Variants in AMD1 observed in about 807,000 individuals in gnomAD.
AMD1 encodes S-adenosylmethionine decarboxylase proenzyme.
In AMD1, 11 loss-of-function variants were observed where a neutral mutation model predicts 40.2. The observed-to-expected ratio is 0.27, with a 90% CI of 0.17 to 0.45. The LOEUF (loss-of-function observed/expected upper bound fraction) is 0.45. AMD1 is among the 20% of genes least tolerant of loss of function. The pLI is 1.00. For synonymous variants in AMD1, 121 were observed against 130.8 expected, an observed-to-expected ratio of 0.93 and a Z score of 0.51; for missense variants, 257 against 410.2, an observed-to-expected ratio of 0.63 and a Z score of 3.23.
the AMD1 span, chr6:110,814,836 G>T: frequency 1.2e-6 from 1 of 836,570 alleles, no homozygotes; most frequent in Non-Finnish European, 1.9e-6. Context: ...GGGCCGCGCG[G>T]GGGAGGCGGG....
the AMD1 span, among the ~76,000 whole-genome samples, chr6:110,818,544 T>G: frequency 6.6e-6 from 1 of 151,812 alleles, no homozygotes; most frequent in South Asian, 2.1e-4. Flanking sequence ...ATTTATTTAT[T>G]TATTTATTTA....
chr6:110,825,267 CTCTCTT>C, the AMD1 span, among the ~76,000 whole-genome samples: 1 of 152,206 alleles, frequency 6.6e-6, no homozygotes, highest in South Asian at 2.1e-4. Context: ...CTCTTCATCT[CTCTCTT>C]TCTCTTAACA....
chr6:110,876,028 G>C (rs574693546), intron 1 of AMD1, among the ~76,000 whole-genome samples: 13 of 152,320 alleles, frequency 8.5e-5, no homozygotes, highest in Admixed American at 3.3e-4. Flanking sequence ...GAGAGGTGCG[G>C]GTGGAGGGAG....
chr6:110,860,870 C>CAGAG, the AMD1 span, among the ~76,000 whole-genome samples: 4,029 of 142,570 alleles, frequency 0.028, 172 homozygotes, highest in East Asian at 0.22. Flanking sequence ...CACACACACA[C>CAGAG]AGAGAGAGAG....
At chr6:110,843,680 G>A in the AMD1 span, among the ~76,000 whole-genome samples, 318 of 152,096 alleles carry the variant, frequency 2.1e-3, 2 homozygotes, top group African/African-American at 7.4e-3. Flanking sequence ...TCCACCTACT[G>A]GGCTCAGGTG....
chr6:110,817,380 C>T, the AMD1 span, among the ~76,000 whole-genome samples: 4 of 152,168 alleles, frequency 2.6e-5, no homozygotes, highest in African/African-American at 7.2e-5. Context: ...GAGGCCAAGG[C>T]GGGTGGATCA....
intron 4 of AMD1, chr6:110,891,554 G>A (rs1386096733): frequency 6.5e-6 from 1 of 154,232 alleles, no homozygotes; most frequent in African/African-American, 2.4e-5. Flanking sequence ...AGATAAGGCT[G>A]AAAACCTAAG....
the AMD1 span, among the ~76,000 whole-genome samples, chr6:110,826,688 C>CTTTTT: frequency 2.3e-5 from 3 of 131,402 alleles, no homozygotes; most frequent in Non-Finnish European, 3.2e-5. Flanking sequence ...TCTTTTCTTT[C>CTTTTT]TTTTTTTTTT....
At chr6:110,876,797 T>TAACCTAGAAAATCTTGGCAAG (rs145655790) in intron 1 of AMD1, among the ~76,000 whole-genome samples, 3,504 of 152,152 alleles carry the variant, frequency 0.023, 120 homozygotes, top group African/African-American at 0.082. Flanking sequence ...TCAGGATAAT[T>TAACCTAGAAAATCTTGGCAAG]AACCTAGAAA....
At chr6:110,827,329 A>T in the AMD1 span, among the ~76,000 whole-genome samples, 7 of 150,068 alleles carry the variant, frequency 4.7e-5, no homozygotes, top group Admixed American at 4.6e-4. Flanking sequence ...TTGTTTTTTA[A>T]GGTGGGTTTC....
At chr6:110,820,912 C>G in the AMD1 span, among the ~76,000 whole-genome samples, 1 of 152,036 alleles carries the variant, frequency 6.6e-6, no homozygotes. Flanking sequence ...GGGCAAGACT[C>G]CGTCTCAAAA....
At chr6:110,842,593 A>C in the AMD1 span, among the ~76,000 whole-genome samples, 3 of 152,186 alleles carry the variant, frequency 2.0e-5, no homozygotes, top group African/African-American at 7.2e-5. Flanking sequence ...TAATAGTAGT[A>C]GTAGTCGTTT....
Position 110,888,929 on chromosome 6 carries a change from A to G in AMD1, c.270A>G (p.Ala90=). 2 of 1,613,938 alleles carry G rather than the reference A, an allele frequency of 1.2e-6. No homozygotes were observed. Among genetic ancestry groups the G allele is most frequent in the Non-Finnish European group, 1.7e-6 (2 of 1,179,974 alleles). Residue 90 remains alanine (A), a synonymous_variant, in exon 3 of 9, where the codon GCA becomes GCG. Transcript: ENST00000368885. ...KTCGTTLLLK[A]LVPLLKLARD... The stretch of plus-strand genomic sequence containing the variant: ...GTGGTACCACCCTCTTGCTGAAAGC[A>G]CTGGTTCCCCTGTTGAAGCTTGCTA...
At chr6:110,849,628 T>TA in the AMD1 span, among the ~76,000 whole-genome samples, 15 of 152,060 alleles carry the variant, frequency 9.9e-5, no homozygotes, top group Non-Finnish European at 1.3e-4. Context: ...CAATTTTTTT[T>TA]AAAAAAACCT....
At chr6:110,828,367 A>G in the AMD1 span, among the ~76,000 whole-genome samples, 133 of 152,128 alleles carry the variant, frequency 8.7e-4, 1 homozygote, top group African/African-American at 3.1e-3. Context: ...CCAGAGGCAG[A>G]GGTTGCAGTG....
In AMD1 at chr6:110,893,588, C is replaced by T. The variant is rs778032364; in HGVS notation, c.977C>T (p.Ala326Val). Residue 326 changes from alanine to valine, a missense_variant, in exon 9 of 9, where the codon GCT becomes GTT. By Grantham distance (64) the Ala-to-Val change is moderately conservative (BLOSUM62 0). Coordinates refer to ENST00000368885, the MANE Select transcript of AMD1 (RefSeq NM_001634.6). ...NDYNFVFTSF[A>V]KKQQQQQS ...TACAATTTTGTTTTTACCAGTTTTG[C>T]TAAGAAGCAGCAACAACAGCAGAGT... The T allele has an allele frequency of 1.2e-6, 2 of 1,613,684 alleles. No individual in the cohort carries two copies. Among genetic ancestry groups the T allele is most frequent in the South Asian group, 1.1e-5 (1 of 91,054 alleles).
the AMD1 span, chr6:110,859,022 C>T: frequency 8.3e-7 from 1 of 1,209,586 alleles, no homozygotes; most frequent in African/African-American, 1.5e-5. Flanking sequence ...TTGGCCTGGG[C>T]CGGCAGATAC....
chr6:110,858,604 G>GTC, the AMD1 span: 1 of 1,563,080 alleles, frequency 6.4e-7, no homozygotes, highest in Non-Finnish European at 8.8e-7. Context: ...AGCTGCAGGT[G>GTC]TCTCTTCTCG....
intron 1 of AMD1, among the ~76,000 whole-genome samples, chr6:110,878,705 C>T (rs1785238353): frequency 6.6e-6 from 1 of 152,002 alleles, no homozygotes; most frequent in African/African-American, 2.4e-5. Context: ...GACATGGCAG[C>T]TTTAGGGAGG....
Sources: gnomAD v4.1 joint callset for allele counts (sites outside exome capture counted in the v4.1 genomes callset) on GRCh38, gnomAD v4.1.1 for gene constraint, MANE v1.5 for transcripts, NCBI Gene and HGNC (gene_info 2026-07-23, HGNC 2026-07-21) for gene names.